The following SLC44A5 variants were observed in gnomAD, a reference collection of about 807,000 sequenced individuals.
SLC44A5 encodes choline transporter-like protein 5.
In SLC44A5, 57 loss-of-function variants were observed where a neutral mutation model predicts 101.8. That is an observed-to-expected ratio of 0.56 (90% CI 0.45 to 0.70). SLC44A5 has a LOEUF of 0.70. Among genes scored for constraint, SLC44A5 ranks in the 30% least tolerant of loss-of-function variants. The pLI is 0.00. For missense variants in SLC44A5, 737 were observed against 853.1 expected, an observed-to-expected ratio of 0.86 and a Z score of 1.70; for synonymous variants, 281 against 290.9, an observed-to-expected ratio of 0.97 and a Z score of 0.35.
chr1:75,445,160 G>T (rs1395252724), intron 2 of SLC44A5, among the ~76,000 whole-genome samples: 1 of 152,078 alleles, frequency 6.6e-6, no homozygotes, highest in Non-Finnish European at 1.5e-5. Context: ...CATGGGAGTG[G>T]ATCCCTCATG....
At chr1:75,448,310 G>A (rs1009282837) in intron 2 of SLC44A5, among the ~76,000 whole-genome samples, 7 of 152,292 alleles carry the variant, frequency 4.6e-5, no homozygotes, top group Middle Eastern at 3.4e-3. Context: ...CATCAGCAAG[G>A]TGTCCATGTC....
At chr1:75,537,317 A>C (rs982105715) in intron 2 of SLC44A5, among the ~76,000 whole-genome samples, 1 of 152,074 alleles carries the variant, frequency 6.6e-6, no homozygotes, top group African/African-American at 2.4e-5. Flanking sequence ...AAGAGGGAAA[A>C]TCTATCCCTC....
intron 2 of SLC44A5, among the ~76,000 whole-genome samples, chr1:75,415,894 A>G (rs1313719138): frequency 6.6e-6 from 1 of 152,212 alleles, no homozygotes; most frequent in East Asian, 1.9e-4. Flanking sequence ...GAAATTTATA[A>G]GCAGGAAAGT....
chr1:75,407,328 T>C (rs892220146), intron 2 of SLC44A5, among the ~76,000 whole-genome samples: 3 of 152,072 alleles, frequency 2.0e-5, no homozygotes, highest in Non-Finnish European at 2.9e-5. Context: ...CAAGCTACCA[T>C]TGACTTTCTT....
chr1:75,237,019 T>G lies in SLC44A5; in HGVS notation c.708A>C (p.Glu236Asp). 2.5e-6 allele frequency: 4 copies of G among 1,602,998 alleles called. No homozygotes were observed. Among genetic ancestry groups the G allele is most frequent in the Non-Finnish European group, 3.4e-6 (4 of 1,172,022 alleles). Residue 236 changes from glutamate (E) to aspartate (D), a missense_variant, in exon 11 of 24, where the codon GAA (glutamate) becomes GAC (aspartate). Physicochemically the swap from Glu to Asp is conservative, Grantham distance 45. This residue lies in a region of SLC44A5 where 665 missense variants were observed against 764.4 expected (regional missense o/e 0.87). Coordinates refer to ENST00000370859, the MANE Select transcript of SLC44A5 (RefSeq NM_001130058.2). ...DAKSLGLKVF[E>D]DYARTWYWIL... ...TCCAATACCAAGTTCTTGCATAGTC[T>G]TCAAACACTTTCAATCCAAGTGACT...
chr1:75,360,315 C>A (rs1271750829), intron 3 of SLC44A5, among the ~76,000 whole-genome samples: 1 of 151,922 alleles, frequency 6.6e-6, no homozygotes, highest in African/African-American at 2.4e-5. Context: ...ATATTTAATT[C>A]TTTTGTCCAT....
chr1:75,329,321 C>G (rs1245306638), intron 4 of SLC44A5, among the ~76,000 whole-genome samples: 1 of 152,140 alleles, frequency 6.6e-6, no homozygotes, highest in Non-Finnish European at 1.5e-5. Context: ...GCATCTGACC[C>G]CAAGAACCCA....
chr1:75,450,837 C>T (rs1253537340), intron 2 of SLC44A5, among the ~76,000 whole-genome samples: 1 of 152,170 alleles, frequency 6.6e-6, no homozygotes, highest in East Asian at 1.9e-4. Flanking sequence ...GAAGGCCCTC[C>T]CTCCTTCATG....
intron 2 of SLC44A5, among the ~76,000 whole-genome samples, chr1:75,488,735 C>T (rs1383254745): frequency 6.6e-6 from 1 of 152,104 alleles, no homozygotes; most frequent in Non-Finnish European, 1.5e-5. Context: ...ATGTGATAAT[C>T]AGATGTATGT....
the SLC44A5 span, among the ~76,000 whole-genome samples, chr1:75,694,406 C>A: frequency 1.3e-5 from 2 of 151,962 alleles, no homozygotes; most frequent in African/African-American, 4.8e-5. Flanking sequence ...GCCATTGGTA[C>A]ATGTTAATTT....
At chr1:75,629,207 T>TC in the SLC44A5 span, among the ~76,000 whole-genome samples, 5 of 136,654 alleles carry the variant, frequency 3.7e-5, no homozygotes, top group East Asian at 1.2e-3. Flanking sequence ...TGTTGTTTAT[T>TC]TTTTTCCCAG....
the SLC44A5 span, among the ~76,000 whole-genome samples, chr1:75,709,199 A>T: frequency 6.6e-6 from 1 of 152,204 alleles, no homozygotes; most frequent in Non-Finnish European, 1.5e-5. Context: ...GGCTCCCTTT[A>T]GCCTATAACC....
At chr1:75,687,251 A>G in the SLC44A5 span, among the ~76,000 whole-genome samples, 1 of 152,152 alleles carries the variant, frequency 6.6e-6, no homozygotes, top group Non-Finnish European at 1.5e-5. Flanking sequence ...AGGAATAACC[A>G]TATCTCATGT....
At chr1:75,606,503 T>TA (rs889680002) in intron 1 of SLC44A5, among the ~76,000 whole-genome samples, 31 of 152,158 alleles carry the variant, frequency 2.0e-4, no homozygotes, top group African/African-American at 7.2e-4. Context: ...TCTTCCATCT[T>TA]AAAAAAGCAA....
At chr1:75,302,148 A>G in intron 4 of SLC44A5, among the ~76,000 whole-genome samples, 1 of 101,774 alleles carries the variant, frequency 9.8e-6, no homozygotes, top group African/African-American at 4.2e-5. Context: ...GTTAACAACC[A>G]TTGTAAGCAA....
the SLC44A5 span, among the ~76,000 whole-genome samples, chr1:75,636,949 A>T: frequency 6.6e-6 from 1 of 152,204 alleles, no homozygotes; most frequent in East Asian, 1.9e-4. Context: ...GAAAATGGGC[A>T]CAATTAGTAG....
At chr1:75,266,633 A>G (rs1651015852) in intron 6 of SLC44A5, among the ~76,000 whole-genome samples, 7 of 152,218 alleles carry the variant, frequency 4.6e-5, no homozygotes, top group Admixed American at 4.6e-4. Context: ...GTTGTTGAGG[A>G]CCTGATCAGA....
At chr1:75,466,216 T>C (rs1038392669) in intron 2 of SLC44A5, among the ~76,000 whole-genome samples, 1 of 152,186 alleles carries the variant, frequency 6.6e-6, no homozygotes, top group African/African-American at 2.4e-5. Flanking sequence ...GCAAGGATGG[T>C]TCAACATACG....
At chr1:75,508,080 C>T (rs1378926162) in intron 2 of SLC44A5, among the ~76,000 whole-genome samples, 1 of 152,084 alleles carries the variant, frequency 6.6e-6, no homozygotes, top group Non-Finnish European at 1.5e-5. Context: ...TTCTCATCTA[C>T]ACATGAAACA....
Sources: gnomAD v4.1 joint callset for allele counts (sites outside exome capture counted in the v4.1 genomes callset) on GRCh38, gnomAD v4.1.1 for gene constraint, gnomAD v4.1.1 regional missense constraint, MANE v1.5 for transcripts, NCBI Gene and HGNC (gene_info 2026-07-23, HGNC 2026-07-21) for gene names.